The following PCDH9 variants were observed in gnomAD, a reference collection of about 807,000 sequenced individuals.
The protein encoded by PCDH9 is protocadherin-9.
A neutral mutation model predicts 70.6 loss-of-function variants in PCDH9; 24 were observed. The observed-to-expected ratio is 0.34, with a 90% confidence interval of 0.25 to 0.48. The LOEUF (loss-of-function observed/expected upper bound fraction) is 0.48. PCDH9 is among the 20% of genes least tolerant of loss of function. The pLI, the probability that PCDH9 is intolerant of heterozygous loss-of-function variation, is 0.99. For missense variants in PCDH9, 1,281 were observed against 1,503.6 expected (o/e 0.85, Z 2.45); for synonymous variants, 562 against 558.5 (o/e 1.01, Z -0.09).
At chr13:66,489,774 T>C (rs1248696414) in intron 4 of PCDH9, among the ~76,000 whole-genome samples, 1 of 152,210 alleles carries the variant, frequency 6.6e-6, no homozygotes, top group African/African-American at 2.4e-5. Flanking sequence ...GCCTCATCGA[T>C]GACACACATA....
At chr13:66,914,501 C>A (rs1259405016) in intron 2 of PCDH9, 1 of 151,590 alleles carries the variant, frequency 6.6e-6, no homozygotes. Context: ...GTAAAGAAAC[C>A]GAAAGAGATT....
At chr13:67,073,241 T>C (rs1181678106) in intron 2 of PCDH9, among the ~76,000 whole-genome samples, 1 of 152,134 alleles carries the variant, frequency 6.6e-6, no homozygotes, top group Non-Finnish European at 1.5e-5. Context: ...TGAGAAATGG[T>C]ATCCCAGAGC....
rs1434048513 is a variant in PCDH9 at position 66,735,570 on chromosome 13, T to TA, written c.3139-104160dup. Reference sequence around the variant, plus strand: ...TGCCAGGTATGAAGGAACTGTGTTTTAAAAAAAAGCAACAAAATTAGAGTC... The same window carrying TA: ...TGCCAGGTATGAAGGAACTGTGTTTTAAAAAAAAAGCAACAAAATTAGAGTC... On this transcript the variant is annotated intron_variant, in intron 3 of 4. Transcript: ENST00000377865. 3.9e-5 allele frequency among the ~76,000 whole-genome samples: 6 copies of TA among 152,024 alleles called. No homozygotes were observed. The South Asian group carries it at 8.3e-4, about 21-fold the overall frequency.
intron 3 of PCDH9, among the ~76,000 whole-genome samples, chr13:66,673,719 G>C (rs1025882985): frequency 5.9e-5 from 9 of 152,160 alleles, no homozygotes; most frequent in Admixed American, 2.6e-4. Flanking sequence ...ACTTTGTTAT[G>C]GTACTTCTGG....
rs555387348 is a variant in PCDH9, at chr13:66,469,319, T to A, written c.3340+161891A>T. 2.0e-5 allele frequency among the ~76,000 whole-genome samples: 3 copies of A among 152,168 alleles called. No homozygotes were observed. The South Asian group carries it at 6.2e-4, about 32-fold the overall frequency. Reference sequence around the variant, plus strand: ...AACCACATTATGCCATCTTGTCAGATAACTTCAAGATACTTTAAAAATGTA... The same window carrying A: ...AACCACATTATGCCATCTTGTCAGAAAACTTCAAGATACTTTAAAAATGTA... On this transcript the variant is annotated intron_variant, in intron 4 of 4. Coordinates refer to ENST00000377865, the MANE Select transcript of PCDH9 (RefSeq NM_203487.3).
Position 67,181,176 on chromosome 13 carries a change from T to A in PCDH9, c.3036+44229A>T, listed in dbSNP as rs138352573. 3.8e-3 allele frequency among the ~76,000 whole-genome samples: 583 copies of A among 152,288 alleles called. 5 individuals carry two copies. Among genetic ancestry groups the A allele is most frequent in the African/African-American group, 0.013 (555 of 41,566 alleles). ...TAGATCAGTGGTTTTCAAACTAGTG[T>A]CTATGAAAAGCTTAAGTCAAAAGAG... On this transcript the variant is annotated intron_variant, in intron 2 of 4. Coordinates refer to ENST00000377865, the MANE Select transcript of PCDH9 (RefSeq NM_203487.3).
At chr13:66,970,694 T>C (rs1222259062) in intron 2 of PCDH9, among the ~76,000 whole-genome samples, 1 of 151,618 alleles carries the variant, frequency 6.6e-6, no homozygotes, top group Non-Finnish European at 1.5e-5. Context: ...TCCAGGATTT[T>C]TCTCCTTAGT....
chr13:66,617,996 C>A (rs1384338923), intron 4 of PCDH9, among the ~76,000 whole-genome samples: 5 of 152,172 alleles, frequency 3.3e-5, no homozygotes, highest in African/African-American at 9.7e-5. Flanking sequence ...CCAGCCTGCG[C>A]ACTGAGTTGG....
chr13:66,785,461 G>T (rs2080064847), intron 3 of PCDH9, among the ~76,000 whole-genome samples: 1 of 151,742 alleles, frequency 6.6e-6, no homozygotes, highest in Non-Finnish European at 1.5e-5. Context: ...CGATAATTTT[G>T]CTTTAATTTG....
intron 2 of PCDH9, among the ~76,000 whole-genome samples, chr13:67,067,549 C>A (rs931943865): frequency 6.6e-6 from 1 of 151,976 alleles, no homozygotes; most frequent in Non-Finnish European, 1.5e-5. Context: ...GTGAAAAAAT[C>A]ATCTGTCTTC....
At chr13:66,953,651 G>A (rs1009807153) in intron 2 of PCDH9, among the ~76,000 whole-genome samples, 1 of 152,144 alleles carries the variant, frequency 6.6e-6, no homozygotes, top group Non-Finnish European at 1.5e-5. Context: ...CATTAATAAT[G>A]GTGGGTGGTT....
At chr13:66,952,503 C>T (rs1285422078) in intron 2 of PCDH9, among the ~76,000 whole-genome samples, 1 of 151,966 alleles carries the variant, frequency 6.6e-6, no homozygotes, top group Non-Finnish European at 1.5e-5. Flanking sequence ...AAATAAATTC[C>T]TCATCAAAAC....
At position 66,682,597 on chromosome 13, in the gene PCDH9, T is replaced by C. The variant is rs150556260; in HGVS notation, c.3139-51186A>G. On this transcript the variant is annotated intron_variant, in intron 3 of 4. Coordinates refer to ENST00000377865, the MANE Select transcript of PCDH9 (RefSeq NM_203487.3). ...CTTTCTGATTGTTGTGTTGGTCTCC[T>C]GGCTATTGAGTACTTTACTGAGAGT... Among the ~76,000 whole-genome samples, 113 of 152,252 alleles carry C rather than the reference T, an allele frequency of 7.4e-4. 1 individual carries two copies. The highest frequency in any genetic ancestry group is 2.6e-3 in the African/African-American group (109 of 41,544).
intron 4 of PCDH9, among the ~76,000 whole-genome samples, chr13:66,422,841 C>G (rs1235163977): frequency 1.3e-5 from 2 of 151,714 alleles, no homozygotes; most frequent in Non-Finnish European, 2.9e-5. Context: ...CACGAAAAAC[C>G]CTTAAAAAAA....
intron 4 of PCDH9, among the ~76,000 whole-genome samples, chr13:66,342,206 T>C (rs1342643116): frequency 6.6e-6 from 1 of 152,200 alleles, no homozygotes; most frequent in East Asian, 1.9e-4. Context: ...AGTTGAGTCA[T>C]CACTTAAGAA....
intron 2 of PCDH9, among the ~76,000 whole-genome samples, chr13:66,956,490 G>A (rs1417881071): frequency 6.6e-6 from 1 of 152,136 alleles, no homozygotes; most frequent in Non-Finnish European, 1.5e-5. Flanking sequence ...GGTGGTTCAT[G>A]CCTGTAATCC....
chr13:66,336,378 T>C (rs987828768), intron 4 of PCDH9, among the ~76,000 whole-genome samples: 2 of 152,028 alleles, frequency 1.3e-5, no homozygotes, highest in Non-Finnish European at 2.9e-5. Context: ...AGACCTGATG[T>C]ATCCTATGTT....
chr13:67,129,849 C>T (rs1003860903), intron 2 of PCDH9, among the ~76,000 whole-genome samples: 1 of 151,764 alleles, frequency 6.6e-6, no homozygotes, highest in Non-Finnish European at 1.5e-5. Flanking sequence ...CCTATTAAAG[C>T]CTTTTGCAAT....
chr13:66,954,205 T>C (rs766753739), intron 2 of PCDH9, among the ~76,000 whole-genome samples: 16 of 152,218 alleles, frequency 1.1e-4, no homozygotes, highest in Non-Finnish European at 7.3e-5. Context: ...TATGATCCTA[T>C]GATACTTATA....
Sources: allele counts gnomAD v4.1 joint callset (sites outside exome capture counted in the v4.1 genomes callset), GRCh38; gene constraint gnomAD v4.1.1; transcripts MANE v1.5; gene names NCBI Gene and HGNC (gene_info 2026-07-23, HGNC 2026-07-21).